The following RDX variants were observed in gnomAD, a reference collection of about 807,000 sequenced individuals.
RDX encodes the protein deafness, autosomal recessive 24.
A neutral mutation model predicts 83.7 loss-of-function variants in RDX; 32 were observed. That is an observed-to-expected ratio of 0.38 (90% CI 0.29 to 0.51). The LOEUF (loss-of-function observed/expected upper bound fraction) is 0.51, where lower values mean the gene tolerates loss of function less well. RDX is among the 20% of genes least tolerant of loss of function. RDX has a pLI of 0.87. For synonymous variants in RDX, 229 were observed against 222.7 expected, an observed-to-expected ratio of 1.03 and a Z score of -0.25; for missense variants, 600 against 689.9, an observed-to-expected ratio of 0.87 and a Z score of 1.46.
intron 15 of RDX, among the ~76,000 whole-genome samples, chr11:110,190,683 C>A (rs1262769419): frequency 2.6e-5 from 4 of 151,982 alleles, no homozygotes; most frequent in Admixed American, 2.6e-4. Context: ...TAAAAATAAT[C>A]AATAGACCAC....
chr11:110,285,712 CAA>C (rs35030078), intron 1 of RDX, among the ~76,000 whole-genome samples: 88 of 78,376 alleles, frequency 1.1e-3, no homozygotes, highest in African/African-American at 4.4e-3. Context: ...GACTTTGTCT[CAA>C]AAAAAAAAAA....
chr11:110,200,946 G>A (rs1863377350), intron 14 of RDX, among the ~76,000 whole-genome samples: 1 of 152,096 alleles, frequency 6.6e-6, no homozygotes. Flanking sequence ...GGGAGGCCGA[G>A]GCAGAGATCA....
chr11:110,284,280 T>C (rs1362350242), intron 1 of RDX, among the ~76,000 whole-genome samples: 2 of 152,132 alleles, frequency 1.3e-5, no homozygotes, highest in African/African-American at 4.8e-5. Flanking sequence ...CCAAACTAAA[T>C]ATAAAAGAAA....
intron 10 of RDX, among the ~76,000 whole-genome samples, chr11:110,239,754 ATCCCAG>A (rs1205094749): frequency 5.9e-5 from 9 of 151,912 alleles, no homozygotes; most frequent in African/African-American, 2.2e-4. Flanking sequence ...GGCACATGTA[ATCCCAG>A]TTACTTGGGT....
chr11:110,194,751 T>C (rs1372230355), intron 15 of RDX, among the ~76,000 whole-genome samples: 3 of 152,234 alleles, frequency 2.0e-5, no homozygotes, highest in Admixed American at 1.3e-4. Context: ...AACAATATTG[T>C]ATCTGCCTAG....
intron 5 of RDX, among the ~76,000 whole-genome samples, chr11:110,259,134 C>T (rs1275641115): frequency 2.0e-5 from 3 of 151,980 alleles, no homozygotes; most frequent in Admixed American, 6.6e-5. Context: ...GACGGGGTTT[C>T]GCCATGTTGG....
chr11:110,215,887 T>G (rs1565296146), intron 14 of RDX, among the ~76,000 whole-genome samples: 1 of 152,186 alleles, frequency 6.6e-6, no homozygotes, highest in East Asian at 1.9e-4. Context: ...CTTTATGATG[T>G]CTTTGTGTGG....
chr11:110,221,384 G>A (rs1320344490), intron 14 of RDX, among the ~76,000 whole-genome samples: 1 of 152,024 alleles, frequency 6.6e-6, no homozygotes, highest in Non-Finnish European at 1.5e-5. Flanking sequence ...GATCACTTGA[G>A]GCCAGAAGTT....
chr11:110,229,765 A>G lies in RDX; in HGVS notation c.*2104T>C, dbSNP rs1467576636. 1.3e-5 allele frequency: 2 copies of G among 152,540 alleles called. No homozygotes were observed. Among genetic ancestry groups the G allele is most frequent in the African/African-American group, 2.4e-5 (1 of 41,458 alleles). The allele number at this position is 152,540 out of a possible 1,614,324, so 9.4% of individuals were successfully genotyped here. A position where few individuals can be genotyped will look rare whatever the true frequency, so the allele number is the denominator to read the frequency against. ...GATCATAAACAGCAAAATATAACTG[A>G]TAATTTTTCAATACTGTATCAAACT... On this transcript the variant is annotated 3_prime_UTR_variant, in exon 14 of 14. Coordinates refer to ENST00000645495, the MANE Select transcript of RDX (RefSeq NM_002906.4).
At position 110,254,052 on chromosome 11, in the gene RDX, T is replaced by C; in HGVS notation, c.853A>G (p.Met285Val). Residue 285 changes from methionine (M) to valine (V), a missense_variant, in exon 9 of 14, where the codon ATG becomes GTG. Physicochemically the swap from Met to Val is conservative, Grantham distance 21. Coordinates refer to ENST00000645495, the MANE Select transcript of RDX (RefSeq NM_002906.4). ...CGCATGTATAGTTCATGGTTTCCCA[T>C]ACATAAGGCCAAAATCCGCTTATTG... The part of the protein sequence containing the change: ...RINKRILALC[M>V]GNHELYMRRR... 2 of 1,613,786 alleles carry C rather than the reference T, an allele frequency of 1.2e-6. No individual in the cohort carries two copies. The highest frequency in any genetic ancestry group is 1.7e-6 in the Non-Finnish European group (2 of 1,179,836).
In RDX at chr11:110,237,626, G is replaced by C. The variant is rs1864913712; in HGVS notation, c.1117C>G (p.Leu373Val). ...CGTTTTCGTTCTTGATCCAGTTCTA[G>C]AGCTTTTCGAGTCTGTTCTTCTAGT... ...KELEEQTRKA[L>V]ELDQERKRAK... The change falls in exon 11 of 14, where the codon CTA (leucine) becomes GTA (valine). Residue 373 changes from leucine to valine, a missense_variant. Transcript: ENST00000645495. The C allele has an allele frequency of 1.2e-6, 2 of 1,614,066 alleles. No individual in the cohort carries two copies. The highest frequency in any genetic ancestry group is 1.1e-5 in the South Asian group (1 of 91,076).
chr11:110,198,746 C>T (rs1164254435), intron 15 of RDX, among the ~76,000 whole-genome samples: 1 of 151,938 alleles, frequency 6.6e-6, no homozygotes, highest in Non-Finnish European at 1.5e-5. Flanking sequence ...GTCCTTGGTG[C>T]AAAAAGGTTG....
chr11:110,197,855 C>T (rs949334888), intron 15 of RDX, among the ~76,000 whole-genome samples: 3 of 152,188 alleles, frequency 2.0e-5, no homozygotes, highest in Admixed American at 6.5e-5. Context: ...CTCAGCTAGA[C>T]CCGTTTCAAA....
chr11:110,257,943 T>C, intron 6 of RDX, 30 bp from the exon 7 acceptor site: 1 of 1,602,406 alleles, frequency 6.2e-7, no homozygotes, highest in Non-Finnish European at 8.5e-7. Flanking sequence ...TGTAATATAT[T>C]TAAGTAGGAG....
At position 110,247,788 on chromosome 11, in the gene RDX, CTTTTCT is replaced by C. The variant is rs746026475; in HGVS notation, c.999_1004del (p.Lys337_Glu338del). On this transcript the variant is annotated inframe_deletion, in exon 10 of 14. Coordinates refer to ENST00000645495, the MANE Select transcript of RDX (RefSeq NM_002906.4). ...TTTCACGTTCTATTCTTTCCTTTTC[CTTTTCT>C]GCTATTTCTCTTTTCTTCTTTTCAT... 1 of 1,599,002 alleles carries C rather than the reference CTTTTCT, an allele frequency of 6.3e-7. No homozygotes were observed. The highest frequency in any genetic ancestry group is 2.2e-5 in the East Asian group (1 of 44,568).
intron 2 of RDX, among the ~76,000 whole-genome samples, chr11:110,275,782 CTTTTTT>C (rs36018441): frequency 1.7e-5 from 2 of 117,286 alleles, no homozygotes; most frequent in African/African-American, 6.5e-5. Context: ...TTTTACCATC[CTTTTTT>C]TTTTTTTTTT....
chr11:110,222,535 A>C (rs1464655496), intron 14 of RDX, among the ~76,000 whole-genome samples: 1 of 152,170 alleles, frequency 6.6e-6, no homozygotes, highest in African/African-American at 2.4e-5. Context: ...GGTGGCTGAC[A>C]CCTGTAATCC....
At position 110,289,712 on chromosome 11, in the gene RDX, T is replaced by C. The variant is rs189121040; in HGVS notation, c.-65+6755A>G. Among the ~76,000 whole-genome samples, 21 of 150,734 alleles carry C rather than the reference T, an allele frequency of 1.4e-4. No individual in the cohort carries two copies. The East Asian group carries it at 3.9e-3, about 28-fold the overall frequency. ...CGGGTGAATCACTTGAGGTCAGGAGTTCAAGACCAGCCTAGCCAACACGGC... is the reference window on the plus strand; with the variant it reads ...CGGGTGAATCACTTGAGGTCAGGAGCTCAAGACCAGCCTAGCCAACACGGC... On this transcript the variant is annotated intron_variant, in intron 1 of 13. Coordinates refer to ENST00000645495, the MANE Select transcript of RDX (RefSeq NM_002906.4).
intron 10 of RDX, among the ~76,000 whole-genome samples, chr11:110,240,156 A>G (rs994012426): frequency 6.6e-6 from 1 of 152,220 alleles, no homozygotes; most frequent in African/African-American, 2.4e-5. Context: ...AGTCAACCTA[A>G]GTGCTTAAAG....
Sources: allele counts gnomAD v4.1 joint callset (sites outside exome capture counted in the v4.1 genomes callset), GRCh38; gene constraint gnomAD v4.1.1; transcripts MANE v1.5; gene names NCBI Gene and HGNC (gene_info 2026-07-23, HGNC 2026-07-21).